Variants in LRRC4C observed in about 807,000 individuals in gnomAD.
LRRC4C encodes the protein leucine rich repeat containing 4C, also known as leucine-rich repeat-containing protein 4C.
LRRC4C carries 5 observed loss-of-function variants against 33.6 expected under a neutral mutation model. That is an observed-to-expected ratio of 0.15 (90% CI 0.08 to 0.31). The LOEUF is 0.31. Among genes scored for constraint, LRRC4C ranks in the 10% least tolerant of loss-of-function variants. The pLI is 1.00. For synonymous variants in LRRC4C, 329 were observed against 302.0 expected (o/e 1.09, Z -0.93); for missense variants, 560 against 796.7 (o/e 0.70, Z 3.58).
chr11:40,549,786 A>T (rs932151819), intron 3 of LRRC4C, among the ~76,000 whole-genome samples: 1 of 152,162 alleles, frequency 6.6e-6, no homozygotes, highest in Non-Finnish European at 1.5e-5. Flanking sequence ...GTGAAAATAC[A>T]TACAGTGAAA....
At chr11:40,557,900 G>A (rs1285180054) in intron 3 of LRRC4C, among the ~76,000 whole-genome samples, 1 of 152,064 alleles carries the variant, frequency 6.6e-6, no homozygotes, top group Non-Finnish European at 1.5e-5. Context: ...CATTATTGAG[G>A]AGATTAATGA....
At chr11:41,029,321 C>G (rs1856575777) in intron 1 of LRRC4C, among the ~76,000 whole-genome samples, 1 of 151,702 alleles carries the variant, frequency 6.6e-6, no homozygotes, top group African/African-American at 2.4e-5. Flanking sequence ...TAGGCTTATA[C>G]AAGCACAACA....
At chr11:41,157,770 G>T (rs1294704377) in intron 1 of LRRC4C, among the ~76,000 whole-genome samples, 1 of 151,814 alleles carries the variant, frequency 6.6e-6, no homozygotes, top group Admixed American at 6.6e-5. Context: ...TTTAAATTTT[G>T]TGGGTATATA....
intron 2 of LRRC4C, among the ~76,000 whole-genome samples, chr11:40,802,419 T>A (rs1951076227): frequency 6.6e-6 from 1 of 151,536 alleles, no homozygotes; most frequent in Non-Finnish European, 1.5e-5. Flanking sequence ...GGGGTCCACA[T>A]ATACTGAATG....
chr11:40,302,552 A>G (rs1237054138), intron 4 of LRRC4C, among the ~76,000 whole-genome samples: 2 of 152,012 alleles, frequency 1.3e-5, no homozygotes, highest in Admixed American at 6.6e-5. Flanking sequence ...TTATTCCTTT[A>G]TAATAGCCCA....
At chr11:40,913,221 A>C (rs147575715) in intron 2 of LRRC4C, among the ~76,000 whole-genome samples, 19,867 of 152,074 alleles carry the variant, frequency 0.13, 2,030 homozygotes, top group African/African-American at 0.27. Flanking sequence ...CAGAACTCTC[A>C]ACCCCAAATC....
At chr11:40,702,869 C>A (rs1945943483) in intron 2 of LRRC4C, among the ~76,000 whole-genome samples, 1 of 152,092 alleles carries the variant, frequency 6.6e-6, no homozygotes, top group African/African-American at 2.4e-5. Context: ...ACTCCTTCAT[C>A]CCCCTGTGTG....
chr11:40,497,232 C>A (rs181441361), intron 3 of LRRC4C, among the ~76,000 whole-genome samples: 1 of 151,848 alleles, frequency 6.6e-6, no homozygotes, highest in Non-Finnish European at 1.5e-5. Flanking sequence ...GGTGAAACCC[C>A]GTCTCTACTA....
chr11:40,629,666 A>T (rs1055788119), intron 3 of LRRC4C, among the ~76,000 whole-genome samples: 1 of 152,170 alleles, frequency 6.6e-6, no homozygotes, highest in Non-Finnish European at 1.5e-5. Context: ...GAGTATAGGC[A>T]CTTGATAGAA....
intron 1 of LRRC4C, among the ~76,000 whole-genome samples, chr11:41,302,603 A>AG (rs547623765): frequency 3.2e-4 from 48 of 152,366 alleles, no homozygotes; most frequent in African/African-American, 1.1e-3. Context: ...AAACAAAAAT[A>AG]ACAGAAGAGA....
At chr11:41,308,763 C>T (rs549887295) in intron 1 of LRRC4C, among the ~76,000 whole-genome samples, 34 of 151,598 alleles carry the variant, frequency 2.2e-4, no homozygotes, top group African/African-American at 8.0e-4. Flanking sequence ...TTGGGCCAAA[C>T]GCAAACAGTG....
intron 1 of LRRC4C, among the ~76,000 whole-genome samples, chr11:41,060,119 C>A (rs1937644644): frequency 6.6e-6 from 1 of 152,132 alleles, no homozygotes; most frequent in African/African-American, 2.4e-5. Context: ...GTTTGAGATG[C>A]CTTGTCCTGA....
At chr11:40,840,039 T>A (rs559847652) in intron 2 of LRRC4C, among the ~76,000 whole-genome samples, 17 of 152,292 alleles carry the variant, frequency 1.1e-4, no homozygotes, top group Admixed American at 2.6e-4. Flanking sequence ...CTTTCAAAGA[T>A]CTTACACAGA....
intron 5 of LRRC4C, among the ~76,000 whole-genome samples, chr11:40,149,515 T>A (rs552496205): frequency 1.2e-4 from 18 of 152,272 alleles, no homozygotes; most frequent in Admixed American, 7.2e-4. Flanking sequence ...GGAATGCTAG[T>A]GATTTTTATA....
At chr11:40,812,841 C>T (rs1225095173) in intron 2 of LRRC4C, among the ~76,000 whole-genome samples, 1 of 152,022 alleles carries the variant, frequency 6.6e-6, no homozygotes, top group Non-Finnish European at 1.5e-5. Context: ...GTTTATAACA[C>T]ATCTGCAAAA....
intron 2 of LRRC4C, among the ~76,000 whole-genome samples, chr11:40,832,137 C>T (rs1312591599): frequency 6.6e-6 from 1 of 152,070 alleles, no homozygotes; most frequent in East Asian, 1.9e-4. Flanking sequence ...TGCTCCTAGG[C>T]TACAAACCTG....
At chr11:40,585,763 A>T (rs1477944827) in intron 3 of LRRC4C, among the ~76,000 whole-genome samples, 1 of 139,542 alleles carries the variant, frequency 7.2e-6, no homozygotes, top group African/African-American at 2.6e-5. Flanking sequence ...GAGAATGATG[A>T]TTTCCAATTT....
chr11:40,906,515 CA>C (rs1956423586), intron 2 of LRRC4C, among the ~76,000 whole-genome samples: 1 of 152,032 alleles, frequency 6.6e-6, no homozygotes, highest in African/African-American at 2.4e-5. Context: ...CATCTCAAAA[CA>C]AACAAACAGA....
chr11:40,434,030 T>G (rs1951042156), intron 3 of LRRC4C, among the ~76,000 whole-genome samples: 1 of 152,202 alleles, frequency 6.6e-6, no homozygotes. Flanking sequence ...TTTAAACAAC[T>G]ATTTTTTCTT....
Sources: allele counts gnomAD v4.1 joint callset (sites outside exome capture counted in the v4.1 genomes callset), GRCh38; gene constraint gnomAD v4.1.1; transcripts MANE v1.5; gene names NCBI Gene and HGNC (gene_info 2026-07-23, HGNC 2026-07-21).